Variants in LZIC observed in about 807,000 individuals in gnomAD.
LZIC encodes leucine zipper and CTNNBIP1 domain containing.
LZIC carries 28 observed loss-of-function variants against 25.4 expected under a neutral mutation model. The ratio of observed to expected loss-of-function variants is 1.10; its 90% confidence interval spans 0.82 to 1.51. The LOEUF (loss-of-function observed/expected upper bound fraction) is 1.51, where lower values mean the gene tolerates loss of function less well. LZIC is among the 40% of genes most tolerant of loss of function. The pLI is 0.00. For missense variants in LZIC, 170 were observed against 211.1 expected (o/e 0.81, Z 1.21); for synonymous variants, 65 against 70.7 (o/e 0.92, Z 0.40).
At chr1:9,933,565 C>T (rs1640328745) in intron 5 of LZIC, among the ~76,000 whole-genome samples, 3 of 151,944 alleles carry the variant, frequency 2.0e-5, no homozygotes, top group Admixed American at 2.0e-4. Flanking sequence ...CTATCTTTGT[C>T]ATGTTTTTAC....
At chr1:9,922,256 C>T, downstream of LZIC, 7 of 981,256 alleles carry the variant, frequency 7.1e-6, no homozygotes, top group Non-Finnish European at 8.5e-6. Context: ...CGCATGTATT[C>T]ACAGGTCCTG....
intron 2 of LZIC, among the ~76,000 whole-genome samples, chr1:9,939,542 CTTTTT>C (rs34837155): frequency 3.7e-5 from 3 of 81,984 alleles, no homozygotes; most frequent in Admixed American, 2.0e-4. Context: ...CCACATCTGC[CTTTTT>C]TTTTTTTTTT....
At chr1:9,937,861 A>T (rs909752745) in intron 2 of LZIC, among the ~76,000 whole-genome samples, 4 of 151,324 alleles carry the variant, frequency 2.6e-5, no homozygotes, top group Non-Finnish European at 5.9e-5. Flanking sequence ...AAAAAAAAAA[A>T]AAAAAAAAAA....
chr1:9,933,731 C>A (rs528474842), intron 5 of LZIC, among the ~76,000 whole-genome samples: 1 of 151,800 alleles, frequency 6.6e-6, no homozygotes, highest in African/African-American at 2.4e-5. Context: ...CATGGTGAAA[C>A]CCTGTCTCTA....
At chr1:9,923,436 C>T (rs1401129237), downstream of LZIC, among the ~76,000 whole-genome samples, 1 of 151,766 alleles carries the variant, frequency 6.6e-6, no homozygotes, top group South Asian at 2.1e-4. Context: ...TCTCGAACTC[C>T]TGACCTTAGG....
downstream of LZIC, among the ~76,000 whole-genome samples, chr1:9,926,054 C>T (rs1339093216): frequency 6.6e-6 from 1 of 151,886 alleles, no homozygotes; most frequent in African/African-American, 2.4e-5. Flanking sequence ...CCACCACGCC[C>T]AGCTAATTTT....
chr1:9,932,379 G>T (rs1442577655), intron 6 of LZIC, among the ~76,000 whole-genome samples: 3 of 150,120 alleles, frequency 2.0e-5, no homozygotes, highest in Non-Finnish European at 3.0e-5. Context: ...GGGAGGGCCG[G>T]GTGCGGTGGC....
Position 9,930,389 on chromosome 1 carries a change from C to T in LZIC, c.*10G>A, listed in dbSNP as rs770308947. The stretch of plus-strand genomic sequence containing the variant: ...AGAATGTGATCAATGTTACAAGCTT[C>T]TGCACCATGTCATTTTTTTGTTTTT... On this transcript the variant is annotated 3_prime_UTR_variant, in exon 8 of 8. Transcript: ENST00000377223. 6.2e-7 allele frequency: 1 copy of T among 1,613,368 alleles called. No homozygotes were observed. Among genetic ancestry groups the T allele is most frequent in the Non-Finnish European group, 8.5e-7 (1 of 1,179,436 alleles).
chr1:9,931,890 C>T lies in LZIC; in HGVS notation c.514+1G>A, dbSNP rs765867974. 3 of 1,609,006 alleles carry T rather than the reference C, an allele frequency of 1.9e-6. No homozygotes were observed. In the African/African-American group the frequency reaches 4.0e-5, roughly 22 times the overall value. ...GCTTTCAGAAATATGAGGGCACTCA[C>T]CAAGGTCTGTAGAGACTTTCTCAAA... On this transcript the variant is annotated splice_donor_variant, in intron 7 of 7. Transcript: ENST00000377223. LOFTEE classifies it high-confidence loss of function.
At chr1:9,924,718 A>T (rs1042297087), downstream of LZIC, among the ~76,000 whole-genome samples, 1 of 152,130 alleles carries the variant, frequency 6.6e-6, no homozygotes, top group African/African-American at 2.4e-5. Context: ...TCTGTTTTCA[A>T]TCTGGCCTGG....
downstream of LZIC, among the ~76,000 whole-genome samples, chr1:9,923,518 C>CTTTTTTTT (rs60858066): frequency 8.1e-5 from 6 of 74,164 alleles, no homozygotes; most frequent in Non-Finnish European, 1.0e-4. Context: ...CCCAATGCTT[C>CTTTTTTTT]TTTTTTTTTT....
downstream of LZIC, among the ~76,000 whole-genome samples, chr1:9,926,038 C>T (rs999124706): frequency 1.3e-5 from 2 of 151,824 alleles, no homozygotes; most frequent in African/African-American, 4.8e-5. Flanking sequence ...GGACTACAGG[C>T]GCCCGCCACC....
Position 9,929,599 on chromosome 1 carries a change from G to C in LZIC, c.*800C>G. 4.1e-6 allele frequency: 4 copies of C among 985,380 alleles called. No individual in the cohort carries two copies. Among genetic ancestry groups the C allele is most frequent in the Non-Finnish European group, 4.8e-6 (4 of 829,938 alleles). 61.0% of individuals were successfully genotyped at this position (985,380 alleles called of 1,614,324 possible). A position where few individuals can be genotyped will look rare whatever the true frequency, so the allele number is the denominator to read the frequency against. The stretch of plus-strand genomic sequence containing the variant: ...CCTGTTGCTTCCCTGGTCAAACAAC[G>C]CAGGCGGCTAAGTCACTTTAGGAAA... On this transcript the variant is annotated 3_prime_UTR_variant, in exon 8 of 8. Transcript: ENST00000377223.
chr1:9,926,263 T>C (rs374869911), downstream of LZIC, among the ~76,000 whole-genome samples: 1 of 152,088 alleles, frequency 6.6e-6, no homozygotes, highest in Non-Finnish European at 1.5e-5. Flanking sequence ...TAGCAATAAA[T>C]AGAATAAAAA....
intron 6 of LZIC, 30 bp from the exon 7 acceptor site, chr1:9,932,002 GT>G (rs769824389): frequency 1.2e-5 from 18 of 1,530,014 alleles, no homozygotes; most frequent in Non-Finnish European, 1.6e-5. Context: ...GTCCAGTTGA[GT>G]GGGTAAATGT....
In LZIC at chr1:9,928,504, A is replaced by G. The variant is rs767022407; in HGVS notation, c.*1895T>C. ...ACAGATACCGGATAAACAAAATATG[A>G]TATCCATACAATGGAATATTATTTA... is the stretch of plus-strand genomic sequence containing the variant. On this transcript the variant is annotated 3_prime_UTR_variant, in exon 8 of 8. Transcript: ENST00000377223. 4.6e-4 allele frequency among the ~76,000 whole-genome samples: 70 copies of G among 152,216 alleles called. 1 individual carries two copies. The highest frequency in any genetic ancestry group is 3.2e-3 in the Middle Eastern group (1 of 316).
chr1:9,930,283 T>C lies in LZIC; in HGVS notation c.*116A>G. 1 of 1,549,926 alleles carries C rather than the reference T, an allele frequency of 6.5e-7. No homozygotes were observed. The highest frequency in any genetic ancestry group is 8.7e-7 in the Non-Finnish European group (1 of 1,151,760). On this transcript the variant is annotated 3_prime_UTR_variant, in exon 8 of 8. Transcript: ENST00000377223. ...AGTATATTTTTATGTCGCTTTTTCT[T>C]AGGTTATTGATGCATTTCCAGAATC...
intron 5 of LZIC, among the ~76,000 whole-genome samples, chr1:9,934,346 A>G (rs1640366785): frequency 6.6e-6 from 1 of 152,216 alleles, no homozygotes; most frequent in East Asian, 1.9e-4. Flanking sequence ...AATTGCCCAT[A>G]CTTACAAATA....
At chr1:9,935,759 A>G (rs1016058219) in intron 3 of LZIC, 132 bp from the exon 4 acceptor site, 5 of 789,956 alleles carry the variant, frequency 6.3e-6, no homozygotes, top group Non-Finnish European at 9.7e-6. Flanking sequence ...TTCACATAGT[A>G]GTAGTGAGGG....
Sources: allele counts gnomAD v4.1 joint callset (sites outside exome capture counted in the v4.1 genomes callset), GRCh38; gene constraint gnomAD v4.1.1; transcripts MANE v1.5; gene names NCBI Gene and HGNC (gene_info 2026-07-23, HGNC 2026-07-21).